Variants in NXPE2 observed in about 807,000 individuals in gnomAD.
The protein encoded by NXPE2 is NXPE family member 2.
A neutral mutation model predicts 34.4 loss-of-function variants in NXPE2; 34 were observed. The observed-to-expected ratio is 0.99, with a 90% CI of 0.75 to 1.31. The LOEUF (loss-of-function observed/expected upper bound fraction) is 1.31, where lower values mean the gene tolerates loss of function less well. NXPE2 is among the 40% of genes most tolerant of loss of function. The pLI, the probability that NXPE2 is intolerant of heterozygous loss-of-function variation, is 0.00. For synonymous variants in NXPE2, 235 were observed against 231.3 expected (o/e 1.02, Z -0.15); for missense variants, 649 against 672.5 (o/e 0.97, Z 0.39).
the NXPE2 span, chr11:114,594,830 A>C: frequency 1.2e-6 from 1 of 869,494 alleles, no homozygotes; most frequent in Non-Finnish European, 1.8e-6. Context: ...AAGCAAACAA[A>C]CATGGGAAAC....
chr11:114,672,247 A>G, the NXPE2 span, among the ~76,000 whole-genome samples: 1 of 151,928 alleles, frequency 6.6e-6, no homozygotes, highest in Non-Finnish European at 1.5e-5. Flanking sequence ...ATCACACACA[A>G]AAAGCAACTA....
the NXPE2 span, among the ~76,000 whole-genome samples, chr11:114,663,715 TG>T: frequency 3.4e-5 from 5 of 146,900 alleles, no homozygotes; most frequent in Non-Finnish European, 6.0e-5. Context: ...TCTATCTATC[TG>T]ATCTACCTAC....
At chr11:114,557,117 T>C in the NXPE2 span, among the ~76,000 whole-genome samples, 1 of 152,098 alleles carries the variant, frequency 6.6e-6, no homozygotes, top group East Asian at 1.9e-4. Flanking sequence ...TGGTCTCGAA[T>C]TCCTGACCTC....
At chr11:114,611,059 G>T in the NXPE2 span, among the ~76,000 whole-genome samples, 1 of 151,680 alleles carries the variant, frequency 6.6e-6, no homozygotes, top group Non-Finnish European at 1.5e-5. Flanking sequence ...GTTGCGTCAT[G>T]GGTAACCACT....
the NXPE2 span, among the ~76,000 whole-genome samples, chr11:114,621,929 C>T: frequency 6.6e-6 from 1 of 151,904 alleles, no homozygotes; most frequent in African/African-American, 2.4e-5. Context: ...TAAGTATTGC[C>T]TCATGGGTAA....
At chr11:114,495,133 A>G in the NXPE2 span, among the ~76,000 whole-genome samples, 4 of 152,160 alleles carry the variant, frequency 2.6e-5, no homozygotes, top group Admixed American at 6.5e-5. Flanking sequence ...CTCTGTGGCC[A>G]CCACCAGTGG....
At chr11:114,579,141 C>A in the NXPE2 span, among the ~76,000 whole-genome samples, 1 of 151,982 alleles carries the variant, frequency 6.6e-6, no homozygotes. Flanking sequence ...TTAGTCATGG[C>A]GGAAGGGAAG....
the NXPE2 span, among the ~76,000 whole-genome samples, chr11:114,603,587 C>T: frequency 2.0e-5 from 3 of 147,174 alleles, no homozygotes; most frequent in Non-Finnish European, 3.0e-5. Context: ...CTAGGTAACT[C>T]CTATTACCTG....
chr11:114,728,618 C>A, the NXPE2 span, among the ~76,000 whole-genome samples: 1 of 152,026 alleles, frequency 6.6e-6, no homozygotes, highest in Non-Finnish European at 1.5e-5. Context: ...AGCAATTGTT[C>A]TTTAAACCAG....
the NXPE2 span, chr11:114,594,541 T>G: frequency 1.5e-6 from 1 of 674,978 alleles, no homozygotes; most frequent in Non-Finnish European, 2.6e-6. Context: ...TGTTGTTTGG[T>G]ATCTAGCTAT....
the NXPE2 span, among the ~76,000 whole-genome samples, chr11:114,796,605 C>T: frequency 6.6e-6 from 1 of 152,156 alleles, no homozygotes; most frequent in Non-Finnish European, 1.5e-5. Context: ...CACTTGAATA[C>T]AATTTCTGTT....
chr11:114,667,162 G>A, the NXPE2 span, among the ~76,000 whole-genome samples: 1 of 152,116 alleles, frequency 6.6e-6, no homozygotes, highest in African/African-American at 2.4e-5. Context: ...GAAGATCCAG[G>A]TCCTGATTGA....
At chr11:114,529,341 T>A in the NXPE2 span, 1 of 152,416 alleles carries the variant, frequency 6.6e-6, no homozygotes, top group South Asian at 2.1e-4. Flanking sequence ...GTTCTGGGAT[T>A]TGTGATAACA....
the NXPE2 span, among the ~76,000 whole-genome samples, chr11:114,787,406 T>A: frequency 2.0e-5 from 3 of 152,142 alleles, no homozygotes; most frequent in African/African-American, 7.2e-5. Context: ...CACGTTTCAG[T>A]AGGAGATTGC....
chr11:114,480,231 G>A, the NXPE2 span, among the ~76,000 whole-genome samples: 1 of 97,396 alleles, frequency 1.0e-5, no homozygotes, highest in East Asian at 3.2e-4. Flanking sequence ...CCAGAGCAAT[G>A]TCAGACTGTT....
intron 2 of NXPE2, among the ~76,000 whole-genome samples, chr11:114,697,690 G>T (rs1951284705): frequency 6.6e-6 from 1 of 152,198 alleles, no homozygotes; most frequent in African/African-American, 2.4e-5. Flanking sequence ...TCTGTTGTTT[G>T]CATTGTTGAT....
chr11:114,489,492 C>T, the NXPE2 span, among the ~76,000 whole-genome samples: 1 of 152,204 alleles, frequency 6.6e-6, no homozygotes, highest in Non-Finnish European at 1.5e-5. Flanking sequence ...AGCAGCACAT[C>T]AAAAAGCTTA....
the NXPE2 span, among the ~76,000 whole-genome samples, chr11:114,593,155 G>C: frequency 1.7e-3 from 262 of 152,082 alleles, 1 homozygote; most frequent in African/African-American, 6.0e-3. Context: ...GCACAGAGAA[G>C]AAAAGCAAAG....
chr11:114,645,268 T>A, the NXPE2 span, among the ~76,000 whole-genome samples: 1 of 152,036 alleles, frequency 6.6e-6, no homozygotes, highest in Non-Finnish European at 1.5e-5. Context: ...GTCACTGCAC[T>A]CCAGCCTGGG....
Sources: allele counts gnomAD v4.1 joint callset (sites outside exome capture counted in the v4.1 genomes callset), GRCh38; gene constraint gnomAD v4.1.1; transcripts MANE v1.5; gene names NCBI Gene and HGNC (gene_info 2026-07-23, HGNC 2026-07-21).